Variants in ANO3 observed in about 807,000 individuals in gnomAD.
The protein encoded by ANO3 is anoctamin 3.
Under a neutral mutation model 144.8 loss-of-function variants are expected in ANO3, and 99 were observed. The observed-to-expected ratio is 0.68, with a 90% confidence interval of 0.58 to 0.81. ANO3 has a LOEUF of 0.81. Ranked by LOEUF, ANO3 falls within the 30% of genes least tolerant of loss-of-function variation. ANO3 has a pLI of 0.00. For missense variants in ANO3, 905 were observed against 1,202.2 expected, an observed-to-expected ratio of 0.75 and a Z score of 3.66; for synonymous variants, 414 against 392.6, an observed-to-expected ratio of 1.05 and a Z score of -0.64.
chr11:26,307,531 C>G (rs1854411305), upstream of ANO3, among the ~76,000 whole-genome samples: 1 of 151,810 alleles, frequency 6.6e-6, no homozygotes, highest in African/African-American at 2.4e-5. Flanking sequence ...TGAAATGTCT[C>G]TACTAAAAAT....
intron 24 of ANO3, among the ~76,000 whole-genome samples, chr11:26,652,217 C>T (rs1337833250): frequency 1.3e-5 from 2 of 152,178 alleles, no homozygotes; most frequent in Non-Finnish European, 2.9e-5. Flanking sequence ...TTTGTGTGGA[C>T]CTGACAAACG....
chr11:26,411,049 A>T (rs1590337465), intron 1 of ANO3, among the ~76,000 whole-genome samples: 1 of 152,150 alleles, frequency 6.6e-6, no homozygotes, highest in African/African-American at 2.4e-5. Flanking sequence ...TGGAGAAAAG[A>T]GAAACATTTC....
At chr11:26,531,704 AAATTAT>A (rs761526937) in intron 8 of ANO3, among the ~76,000 whole-genome samples, 55 of 152,260 alleles carry the variant, frequency 3.6e-4, no homozygotes, top group Non-Finnish European at 5.3e-4. Flanking sequence ...ATAAATAAAT[AAATTAT>A]AATTATAATT....
chr11:26,215,340 G>A (rs553272263), intron 1 of ANO3, among the ~76,000 whole-genome samples: 150 of 151,962 alleles, frequency 9.9e-4, no homozygotes, highest in African/African-American at 3.4e-3. Flanking sequence ...TTATACTTTG[G>A]GTTTTAATAC....
intron 1 of ANO3, among the ~76,000 whole-genome samples, chr11:26,293,801 T>C (rs1854022399): frequency 6.6e-6 from 1 of 151,976 alleles, no homozygotes; most frequent in Non-Finnish European, 1.5e-5. Flanking sequence ...GCTTTGCATA[T>C]GCTTTTCTCA....
intron 1 of ANO3, among the ~76,000 whole-genome samples, chr11:26,380,520 T>G (rs903655676): frequency 2.6e-5 from 4 of 152,158 alleles, no homozygotes; most frequent in African/African-American, 9.7e-5. Context: ...TCAGAGATGA[T>G]GCCTTCTTTA....
chr11:26,252,207 A>G (rs12222176), intron 1 of ANO3, among the ~76,000 whole-genome samples: 2,793 of 152,336 alleles, frequency 0.018, 69 homozygotes, highest in East Asian at 0.12. Flanking sequence ...TTTAAATGAC[A>G]TATTTGTTTT....
At chr11:26,303,666 C>T (rs1438646088) in intron 1 of ANO3, among the ~76,000 whole-genome samples, 1 of 152,168 alleles carries the variant, frequency 6.6e-6, no homozygotes, top group Non-Finnish European at 1.5e-5. Flanking sequence ...ACCCATGTAA[C>T]AAACCTACAA....
intron 3 of ANO3, among the ~76,000 whole-genome samples, chr11:26,450,876 T>A (rs1331422189): frequency 6.6e-6 from 1 of 152,200 alleles, no homozygotes; most frequent in African/African-American, 2.4e-5. Flanking sequence ...GAAGAATGAC[T>A]GAGCTGGAAT....
intron 1 of ANO3, among the ~76,000 whole-genome samples, chr11:26,280,901 C>A (rs1430983610): frequency 6.6e-6 from 1 of 152,130 alleles, no homozygotes; most frequent in African/African-American, 2.4e-5. Flanking sequence ...TATAGCACAG[C>A]AATTGGGAAG....
intron 4 of ANO3, among the ~76,000 whole-genome samples, chr11:26,504,787 G>A (rs1225296856): frequency 4.8e-5 from 1 of 20,754 alleles, no homozygotes; most frequent in Non-Finnish European, 1.5e-4. Flanking sequence ...ACTTTGGGAG[G>A]CCAAGGCGGG....
chr11:26,425,508 T>C (rs893856359), intron 1 of ANO3, among the ~76,000 whole-genome samples: 21 of 152,142 alleles, frequency 1.4e-4, no homozygotes, highest in African/African-American at 5.1e-4. Flanking sequence ...GAGTGAAATA[T>C]AGTTTTTTTT....
At chr11:26,375,230 AG>A (rs1416139793) in intron 1 of ANO3, among the ~76,000 whole-genome samples, 2 of 152,138 alleles carry the variant, frequency 1.3e-5, no homozygotes, top group Non-Finnish European at 2.9e-5. Flanking sequence ...AGTTCACAAT[AG>A]GGTTTGTGCC....
At position 26,629,695 on chromosome 11, in the gene ANO3, A is replaced by C. The variant is rs931841631; in HGVS notation, c.1874-4509A>C. Reference sequence around the variant, plus strand: ...TGCCCAGGCTGGAAGGCAATGGTGCAATCTCGACTCACCGCAACCTCCGCC... The same window carrying C: ...TGCCCAGGCTGGAAGGCAATGGTGCCATCTCGACTCACCGCAACCTCCGCC... On this transcript the variant is annotated intron_variant, in intron 18 of 26. Coordinates refer to ENST00000256737, the MANE Select transcript of ANO3 (RefSeq NM_031418.4). 3.9e-5 allele frequency among the ~76,000 whole-genome samples: 6 copies of C among 152,134 alleles called. 1 individual carries two copies. Among genetic ancestry groups the C allele is most frequent in the Admixed American group, 3.9e-4 (6 of 15,270 alleles).
intron 4 of ANO3, 38 bp from the exon 5 acceptor site, chr11:26,508,066 C>G (rs1324610550): frequency 1.3e-5 from 20 of 1,548,818 alleles, no homozygotes; most frequent in Non-Finnish European, 1.7e-5. Context: ...ACATGCTTGT[C>G]TAACCCACAC....
chr11:26,525,405 G>T (rs1330497087), intron 6 of ANO3, among the ~76,000 whole-genome samples: 2 of 151,962 alleles, frequency 1.3e-5, no homozygotes, highest in Non-Finnish European at 2.9e-5. Flanking sequence ...TTCAAAAGTG[G>T]TCTGTTGATT....
intron 12 of ANO3, among the ~76,000 whole-genome samples, chr11:26,550,211 CAATT>C (rs200431153): frequency 0.053 from 7,915 of 150,348 alleles, 535 homozygotes; most frequent in African/African-American, 0.16. Context: ...TAAATTAACA[CAATT>C]AATTAATGTT....
In ANO3 at chr11:26,632,622, AACAC is replaced by A. The variant is rs151137702; in HGVS notation, c.1874-1566_1874-1563del. Among the ~76,000 whole-genome samples, 5 of 148,050 alleles carry A rather than the reference AACAC, an allele frequency of 3.4e-5. No homozygotes were observed. The South Asian group carries it at 6.3e-4, about 19-fold the overall frequency. On this transcript the variant is annotated intron_variant, in intron 18 of 26. Transcript: ENST00000256737. ...ATATGTCTGTCTCTATATATGTACA[AACAC>A]ACACACACACACACAAACCATATGC...
At chr11:26,506,469 T>C (rs1861439963) in intron 4 of ANO3, among the ~76,000 whole-genome samples, 1 of 152,190 alleles carries the variant, frequency 6.6e-6, no homozygotes, top group Admixed American at 6.5e-5. Context: ...ATAGTAAGTA[T>C]TTGATAAGTG....
Sources: allele counts gnomAD v4.1 joint callset (sites outside exome capture counted in the v4.1 genomes callset), GRCh38; gene constraint gnomAD v4.1.1; transcripts MANE v1.5; gene names NCBI Gene and HGNC (gene_info 2026-07-23, HGNC 2026-07-21).